The following TRAF6 variants were observed in gnomAD, a reference collection of about 807,000 sequenced individuals.
TRAF6 encodes TNF receptor associated factor 6, also known as TNF receptor-associated factor 6.
A neutral mutation model predicts 48.4 loss-of-function variants in TRAF6; 10 were observed. That is an observed-to-expected ratio of 0.21 (90% CI 0.13 to 0.35). The LOEUF is 0.35. Ranked by LOEUF, TRAF6 falls within the 10% of genes least tolerant of loss-of-function variation. TRAF6 has a pLI of 1.00. For missense variants in TRAF6, 397 were observed against 661.0 expected, an observed-to-expected ratio of 0.60 and a Z score of 4.38; for synonymous variants, 186 against 219.6, an observed-to-expected ratio of 0.85 and a Z score of 1.35.
rs1859514808 is a variant in TRAF6, at chr11:36,488,251, T to C, written c.*1587A>G. 1 of 148,486 alleles carries C rather than the reference T, an allele frequency of 6.7e-6. No homozygotes were observed. The highest frequency in any genetic ancestry group is 6.7e-5 in the Admixed American group (1 of 14,838). 9.2% of individuals were successfully genotyped at this position (148,486 alleles called of 1,614,324 possible). On this transcript the variant is annotated 3_prime_UTR_variant, in exon 7 of 7. Coordinates refer to ENST00000526995, the MANE Select transcript of TRAF6 (RefSeq NM_004620.4). ...ATGGTGGCACGGGAAACAAGGTCTCTGCTTGACTTTTATTTTCACTCCATA... is the reference window on the plus strand; with the variant it reads ...ATGGTGGCACGGGAAACAAGGTCTCCGCTTGACTTTTATTTTCACTCCATA...
intron 1 of TRAF6, among the ~76,000 whole-genome samples, chr11:36,503,804 A>G (rs920027317): frequency 3.3e-5 from 5 of 152,190 alleles, no homozygotes; most frequent in Admixed American, 6.5e-5. Flanking sequence ...TGATGCTGTT[A>G]TGCTACACTA....
At chr11:36,504,628 A>G (rs192653972) in intron 1 of TRAF6, among the ~76,000 whole-genome samples, 224 of 152,296 alleles carry the variant, frequency 1.5e-3, no homozygotes, top group Non-Finnish European at 2.3e-3. Flanking sequence ...GTTAAGGCTG[A>G]TATTTTGACC....
chr11:36,509,448 G>A (rs369250641), intron 1 of TRAF6, among the ~76,000 whole-genome samples: 1 of 151,588 alleles, frequency 6.6e-6, no homozygotes, highest in Non-Finnish European at 1.5e-5. Flanking sequence ...TAAACTCGCT[G>A]CCTGAGACTT....
At position 36,498,636 on chromosome 11, in the gene TRAF6, C is replaced by A. The variant is rs1169399583; in HGVS notation, c.301G>T (p.Ala101Ser). 6.2e-7 allele frequency: 1 copy of A among 1,606,514 alleles called. No homozygotes were observed. Among genetic ancestry groups the A allele is most frequent in the Admixed American group, 1.7e-5 (1 of 58,216 alleles). ...TTGTCAACTGGACATTTGTGACCTG[C>A]ATCCCTAACAGAAACAAAATACACA... ...KACIIKSIRD[A>S]GHKCPVDNEI... Residue 101 changes from alanine to serine, a missense_variant, in exon 3 of 7, where the codon GCA becomes TCA. Transcript: ENST00000526995.
Position 36,490,332 on chromosome 11 carries a change from T to C in TRAF6, c.1075A>G (p.Asn359Asp). 6.2e-7 allele frequency: 1 copy of C among 1,614,222 alleles called. No individual in the cohort carries two copies. The highest frequency in any genetic ancestry group is 8.5e-7 in the Non-Finnish European group (1 of 1,180,032). Residue 359 changes from asparagine (N) to aspartate (D), a missense_variant, in exon 7 of 7, where the codon AAC becomes GAC. Asn to Asp is a conservative substitution (Grantham distance 23, BLOSUM62 1). Around this residue, in one of 4 missense-constraint regions of TRAF6, gnomAD observed 245 missense variants for 349.1 expected, o/e 0.70. Coordinates refer to ENST00000526995, the MANE Select transcript of TRAF6 (RefSeq NM_004620.4). The surrounding 1 kb of genome is among the most constrained non-coding windows in gnomAD (Gnocchi z 6.4). ...TGACATTTCAAATGCATTCCAAAGT[T>C]GCCAATCTTCCAAATATAAATTCCA... ...CNGIYIWKIGNFGMHLKCQEE... is the reference protein window; with the variant it reads ...CNGIYIWKIGDFGMHLKCQEE...
chr11:36,490,542 T>A lies in TRAF6; in HGVS notation c.865A>T (p.Ile289Phe). The change falls in exon 7 of 7, where the codon ATC (isoleucine) becomes TTC (phenylalanine). Residue 289 changes from isoleucine to phenylalanine, a missense_variant. Ile to Phe is a conservative substitution (Grantham distance 21). Coordinates refer to ENST00000526995, the MANE Select transcript of TRAF6 (RefSeq NM_004620.4). This position sits in a 1 kb window ranked among gnomAD's most constrained non-coding sequence, Gnocchi z 6.4. Reference sequence around the variant, plus strand: ...TCCTGGAAATTCCGGACCTCTGAGATATACCCAGAGTCGGGTATAACGCTC... The same window carrying A: ...TCCTGGAAATTCCGGACCTCTGAGAAATACCCAGAGTCGGGTATAACGCTC... ...SLSVIPDSGY[I>F]SEVRNFQETI... The A allele has an allele frequency of 6.2e-7, 1 of 1,614,160 alleles. No individual in the cohort carries two copies. The highest frequency in any genetic ancestry group is 8.5e-7 in the Non-Finnish European group (1 of 1,180,038).
intron 1 of TRAF6, among the ~76,000 whole-genome samples, chr11:36,508,871 TAA>T (rs977752236): frequency 1.3e-5 from 2 of 152,200 alleles, no homozygotes; most frequent in Non-Finnish European, 2.9e-5. Flanking sequence ...TCTCCAAATC[TAA>T]GTGTCCAAAA....
chr11:36,501,703 GACT>G, intron 1 of TRAF6, 166 bp from the exon 2 acceptor site: 1 of 459,608 alleles, frequency 2.2e-6, no homozygotes, highest in Non-Finnish European at 3.7e-6. Flanking sequence ...GCTTTTTCAT[GACT>G]ATTATAAGTT....
At chr11:36,500,735 C>T (rs986588229) in intron 2 of TRAF6, among the ~76,000 whole-genome samples, 1 of 152,054 alleles carries the variant, frequency 6.6e-6, no homozygotes, top group Non-Finnish European at 1.5e-5. Context: ...GAAGGTAGAG[C>T]CTTCAGTTAA....
chr11:36,507,831 T>C (rs1859826839), intron 1 of TRAF6, among the ~76,000 whole-genome samples: 1 of 147,262 alleles, frequency 6.8e-6, no homozygotes. Context: ...ATGTATTTTA[T>C]ATATGTGTAT....
chr11:36,497,627 T>C (rs893730886), intron 3 of TRAF6, among the ~76,000 whole-genome samples: 1 of 152,166 alleles, frequency 6.6e-6, no homozygotes, highest in African/African-American at 2.4e-5. Flanking sequence ...TAATTTCAAA[T>C]ATAACACTAA....
intron 6 of TRAF6, among the ~76,000 whole-genome samples, chr11:36,491,252 T>G (rs1859559716): frequency 6.6e-6 from 1 of 152,226 alleles, no homozygotes; most frequent in African/African-American, 2.4e-5. Context: ...CATGCCATTC[T>G]AAGGTCATTA....
In TRAF6 at chr11:36,489,035, T is replaced by C. The variant is rs1306141622; in HGVS notation, c.*803A>G. Reference sequence around the variant, plus strand: ...GAAGACATATGCAGAGCTGTGAAATTCACTCTGCACTGAATAGACAAAAAG... The same window carrying C: ...GAAGACATATGCAGAGCTGTGAAATCCACTCTGCACTGAATAGACAAAAAG... On this transcript the variant is annotated 3_prime_UTR_variant, in exon 7 of 7. Transcript: ENST00000526995. 1.3e-5 allele frequency: 2 copies of C among 152,194 alleles called. No individual in the cohort carries two copies. The highest frequency in any genetic ancestry group is 4.8e-5 in the African/African-American group (2 of 41,444). 9.4% of individuals were successfully genotyped at this position (152,194 alleles called of 1,614,324 possible). A position where few individuals can be genotyped will look rare whatever the true frequency, so the allele number is the denominator to read the frequency against.
intron 5 of TRAF6, among the ~76,000 whole-genome samples, 195 bp from the exon 6 acceptor site, chr11:36,492,823 C>T (rs1186779409): frequency 6.6e-6 from 1 of 152,176 alleles, no homozygotes; most frequent in East Asian, 1.9e-4. Context: ...GAAATATCAA[C>T]ATCTCATAAT....
rs1468192967 is a variant in TRAF6, at chr11:36,489,017, T to TA, written c.*820dup. ...TGTAAGCATTAAACAAATGAAGACATATGCAGAGCTGTGAAATTCACTCTG... is the reference window on the plus strand; with the variant it reads ...TGTAAGCATTAAACAAATGAAGACATAATGCAGAGCTGTGAAATTCACTCTG... On this transcript the variant is annotated 3_prime_UTR_variant, in exon 7 of 7. Coordinates refer to ENST00000526995, the MANE Select transcript of TRAF6 (RefSeq NM_004620.4). The TA allele has an allele frequency of 6.6e-6, 1 of 152,168 alleles. No individual in the cohort carries two copies. The highest frequency in any genetic ancestry group is 1.5e-5 in the Non-Finnish European group (1 of 68,026). 9.4% of individuals were successfully genotyped at this position (152,168 alleles called of 1,614,324 possible).
Position 36,489,766 on chromosome 11 carries a change from A to G in TRAF6, c.*72T>C. 6.9e-7 allele frequency: 1 copy of G among 1,446,438 alleles called. No homozygotes were observed. Among genetic ancestry groups the G allele is most frequent in the Non-Finnish European group, 9.4e-7 (1 of 1,062,890 alleles). The allele number at this position is 1,446,438 out of a possible 1,614,324, so 89.6% of individuals were successfully genotyped here. A position where few individuals can be genotyped will look rare whatever the true frequency, so the allele number is the denominator to read the frequency against. ...TATTTCCCGTGGCTTGTTTGTTTGC[A>G]TGTTATTGAGAACAGGGCAAGGAAA... On this transcript the variant is annotated 3_prime_UTR_variant, in exon 7 of 7. Coordinates refer to ENST00000526995, the MANE Select transcript of TRAF6 (RefSeq NM_004620.4).
chr11:36,502,095 A>G (rs1859725923), intron 1 of TRAF6, among the ~76,000 whole-genome samples: 1 of 152,210 alleles, frequency 6.6e-6, no homozygotes, highest in Non-Finnish European at 1.5e-5. Flanking sequence ...GCAAGGAATC[A>G]GGTGATCATG....
chr11:36,500,724 T>C (rs1036363190), intron 2 of TRAF6, among the ~76,000 whole-genome samples: 3 of 152,156 alleles, frequency 2.0e-5, no homozygotes, highest in Admixed American at 2.0e-4. Context: ...GGATATATTA[T>C]GAAGGTAGAG....
chr11:36,498,656 T>C lies in TRAF6; in HGVS notation c.297-16A>G. 1 of 1,593,662 alleles carries C rather than the reference T, an allele frequency of 6.3e-7. No individual in the cohort carries two copies. Among genetic ancestry groups the C allele is most frequent in the Non-Finnish European group, 8.5e-7 (1 of 1,172,696 alleles). ...ACCTGCATCCCTAACAGAAACAAAATACACACAATTAGATTTAAAGACTCA... is the reference window on the plus strand; with the variant it reads ...ACCTGCATCCCTAACAGAAACAAAACACACACAATTAGATTTAAAGACTCA... On this transcript the variant is annotated splice_polypyrimidine_tract_variant and intron_variant, in intron 2 of 6. Transcript: ENST00000526995.
Sources: allele counts gnomAD v4.1 joint callset (sites outside exome capture counted in the v4.1 genomes callset), GRCh38; gene constraint gnomAD v4.1.1; regional missense constraint gnomAD v4.1.1; non-coding constraint Gnocchi (gnomAD v3.1); transcripts MANE v1.5; gene names NCBI Gene and HGNC (gene_info 2026-07-23, HGNC 2026-07-21).